PDSS2: variants seen among roughly 807,000 people sequenced by gnomAD.
The protein encoded by PDSS2 is all trans-polyprenyl-diphosphate synthase PDSS2.
PDSS2 carries 31 observed loss-of-function variants against 44.5 expected under a neutral mutation model. The observed-to-expected ratio is 0.70, with a 90% confidence interval of 0.52 to 0.94. The LOEUF (loss-of-function observed/expected upper bound fraction) is 0.94, where lower values mean the gene tolerates loss of function less well. Among genes scored for constraint, PDSS2 ranks in the 40% least tolerant of loss-of-function variants. PDSS2 has a pLI of 0.00. For synonymous variants in PDSS2, 157 were observed against 180.3 expected (o/e 0.87, Z 1.03); for missense variants, 452 against 482.2 (o/e 0.94, Z 0.59).
intron 1 of PDSS2, among the ~76,000 whole-genome samples, chr6:107,421,837 A>ACAC (rs1780834670): frequency 4.8e-5 from 5 of 103,104 alleles, no homozygotes; most frequent in South Asian, 2.8e-4. Flanking sequence ...CACACACACA[A>ACAC]ACGAATGCAT....
intron 2 of PDSS2, among the ~76,000 whole-genome samples, chr6:107,315,135 G>A (rs1205037263): frequency 6.6e-6 from 1 of 151,792 alleles, no homozygotes; most frequent in Non-Finnish European, 1.5e-5. Flanking sequence ...TTTCTTAAAA[G>A]GATAACCCAT....
In PDSS2 at chr6:107,459,137, T is replaced by C; in HGVS notation, c.149A>G (p.Asn50Ser). Residue 50 changes from asparagine to serine, a missense_variant, in exon 1 of 8, where the codon AAT becomes AGT. By Grantham distance (46) the Asn-to-Ser change is conservative. Transcript: ENST00000369037. This position sits in a 1 kb window ranked among gnomAD's most constrained non-coding sequence, Gnocchi z 4.3. ...CTTCTCCGCCTCTGACACTACCTGATTCCAGTGGGCCGGGGACTTGGAGGA... is the reference window on the plus strand; with the variant it reads ...CTTCTCCGCCTCTGACACTACCTGACTCCAGTGGGCCGGGGACTTGGAGGA... Reference protein sequence around the residue: ...GRSSKSPAHWNQVVSEAEKIV... With the variant: ...GRSSKSPAHWSQVVSEAEKIV... 6.2e-7 allele frequency: 1 copy of C among 1,614,078 alleles called. No homozygotes were observed. Among genetic ancestry groups the C allele is most frequent in the Non-Finnish European group, 8.5e-7 (1 of 1,180,018 alleles).
intron 4 of PDSS2, chr6:107,229,691 T>G (rs1306079053): frequency 1.3e-5 from 2 of 152,184 alleles, no homozygotes; most frequent in African/African-American, 4.8e-5. Flanking sequence ...TAGGCATACA[T>G]GTACAATAAT....
chr6:107,338,298 G>A (rs976579560), intron 1 of PDSS2, among the ~76,000 whole-genome samples: 1 of 152,176 alleles, frequency 6.6e-6, no homozygotes, highest in South Asian at 2.1e-4. Flanking sequence ...TCTCTTAAGG[G>A]ACACTGACAA....
chr6:107,326,688 C>A (rs1777557763), intron 2 of PDSS2, among the ~76,000 whole-genome samples: 2 of 151,734 alleles, frequency 1.3e-5, no homozygotes, highest in Admixed American at 1.3e-4. Flanking sequence ...CCTGTCTCTA[C>A]TAAAAATAGA....
chr6:107,371,201 T>G (rs1017704844), intron 1 of PDSS2, among the ~76,000 whole-genome samples: 4 of 145,458 alleles, frequency 2.7e-5, no homozygotes, highest in East Asian at 2.0e-4. Context: ...AAAAAAAAAG[T>G]CAACCACTGG....
At chr6:107,215,342 T>A (rs1012031240) in intron 4 of PDSS2, among the ~76,000 whole-genome samples, 1 of 152,068 alleles carries the variant, frequency 6.6e-6, no homozygotes, top group African/African-American at 2.4e-5. Flanking sequence ...CAGTGGGCCA[T>A]AATCATGCCA....
chr6:107,353,669 A>G (rs1778501555), intron 1 of PDSS2, among the ~76,000 whole-genome samples: 1 of 152,100 alleles, frequency 6.6e-6, no homozygotes, highest in Admixed American at 6.5e-5. Context: ...ACCCCTCAAT[A>G]TGATAGCATT....
intron 4 of PDSS2, among the ~76,000 whole-genome samples, chr6:107,244,578 C>A (rs1411794889): frequency 6.6e-6 from 1 of 152,146 alleles, no homozygotes; most frequent in South Asian, 2.1e-4. Flanking sequence ...TTACTTGAAC[C>A]AAACGTTGGC....
intron 4 of PDSS2, among the ~76,000 whole-genome samples, chr6:107,214,230 G>A (rs1455960302): frequency 1.3e-5 from 2 of 151,498 alleles, no homozygotes; most frequent in East Asian, 3.9e-4. Flanking sequence ...CAGCCTCTCC[G>A]AGTAGCTGGA....
chr6:107,168,584 C>T (rs1406429434), intron 7 of PDSS2, among the ~76,000 whole-genome samples: 18 of 151,644 alleles, frequency 1.2e-4, no homozygotes, highest in African/African-American at 4.1e-4. Context: ...ATGGTCTTTA[C>T]AATTTGACAT....
At chr6:107,305,049 C>T (rs1223125081) in intron 2 of PDSS2, among the ~76,000 whole-genome samples, 4 of 152,076 alleles carry the variant, frequency 2.6e-5, no homozygotes, top group Non-Finnish European at 5.9e-5. Context: ...AGACTTTCAG[C>T]AGAGCAGAAA....
At position 107,355,550 on chromosome 6, in the gene PDSS2, A is replaced by C. The variant is rs553959161; in HGVS notation, c.297-21218T>G. Among the ~76,000 whole-genome samples, 4 of 152,314 alleles carry C rather than the reference A, an allele frequency of 2.6e-5. No individual in the cohort carries two copies. In the South Asian group the frequency reaches 8.3e-4, roughly 32 times the overall value. On this transcript the variant is annotated intron_variant, in intron 1 of 7. Coordinates refer to ENST00000369037, the MANE Select transcript of PDSS2 (RefSeq NM_020381.4). ...TGAAAATTATTTAAACCTAGAAAAT[A>C]GTCTTTCTCATAGAGGTGAGAGTCT...
At chr6:107,297,657 G>A (rs576109921) in intron 2 of PDSS2, among the ~76,000 whole-genome samples, 14 of 151,724 alleles carry the variant, frequency 9.2e-5, no homozygotes, top group African/African-American at 3.4e-4. Flanking sequence ...TGGGATTACA[G>A]GCATGAGCCC....
In PDSS2 at chr6:107,203,882, T is replaced by A. The variant is rs1244460949; in HGVS notation, c.1008+6557A>T. Among the ~76,000 whole-genome samples the A allele has an allele frequency of 2.0e-5, 3 of 152,122 alleles. No homozygotes were observed. In the East Asian group the frequency reaches 5.8e-4, roughly 29 times the overall value. On this transcript the variant is annotated intron_variant, in intron 6 of 7. Coordinates refer to ENST00000369037, the MANE Select transcript of PDSS2 (RefSeq NM_020381.4). ...GTCTCTATGATTTGTCTACTCTGGA[T>A]GTTTCACATAAATGGAATCATATGA...
intron 1 of PDSS2, among the ~76,000 whole-genome samples, chr6:107,363,363 C>A (rs967128663): frequency 1.3e-5 from 2 of 152,140 alleles, no homozygotes; most frequent in Admixed American, 6.5e-5. Flanking sequence ...TGGAGTCTGT[C>A]CCTTCTGATG....
intron 3 of PDSS2, among the ~76,000 whole-genome samples, chr6:107,251,241 G>A (rs1262441904): frequency 6.6e-6 from 1 of 152,188 alleles, no homozygotes; most frequent in East Asian, 1.9e-4. Context: ...GATGTAATAA[G>A]GTAGTATGGT....
chr6:107,155,877 C>CTTTTTTT (rs60840656), intron 7 of PDSS2, among the ~76,000 whole-genome samples: 2 of 51,668 alleles, frequency 3.9e-5, no homozygotes, highest in Non-Finnish European at 7.2e-5. Flanking sequence ...CTTGCCCGGC[C>CTTTTTTT]TTTTTTTTTT....
intron 2 of PDSS2, among the ~76,000 whole-genome samples, chr6:107,290,365 G>A (rs2115017975): frequency 6.6e-6 from 1 of 152,302 alleles, no homozygotes; most frequent in South Asian, 2.1e-4. Flanking sequence ...TGAGGCTGGA[G>A]TGGTAAAACG....
Sources: allele counts gnomAD v4.1 joint callset (sites outside exome capture counted in the v4.1 genomes callset), GRCh38; gene constraint gnomAD v4.1.1; non-coding constraint Gnocchi (gnomAD v3.1); transcripts MANE v1.5; gene names NCBI Gene and HGNC (gene_info 2026-07-23, HGNC 2026-07-21).